The following ZC3H13 variants were observed in gnomAD, a reference collection of about 807,000 sequenced individuals.
ZC3H13 encodes zinc finger CCCH domain-containing protein 13.
A neutral mutation model predicts 204.1 loss-of-function variants in ZC3H13; 64 were observed. That is an observed-to-expected ratio of 0.31 (90% CI 0.26 to 0.39). The LOEUF (loss-of-function observed/expected upper bound fraction) is 0.39. Among genes scored for constraint, ZC3H13 ranks in the 10% least tolerant of loss-of-function variants. The probability of loss-of-function intolerance (pLI) is 1.00; values close to 1 mark genes in which losing one functional copy is unlikely to be tolerated. For synonymous variants in ZC3H13, 667 were observed against 693.7 expected (o/e 0.96, Z 0.60); for missense variants, 1,833 against 2,082.7 (o/e 0.88, Z 2.33).
At chr13:45,985,256 TC>T in intron 10 of ZC3H13, 40 bp downstream of exon 10, 1 of 1,496,234 alleles carries the variant, frequency 6.7e-7, no homozygotes, top group South Asian at 1.3e-5. Context: ...TTTTATACTT[TC>T]TATATAAGAT....
In ZC3H13 at chr13:45,989,055, A is replaced by G. The variant is rs1461297650; in HGVS notation, c.987T>C (p.Ser329=). 6.8e-6 allele frequency: 11 copies of G among 1,614,200 alleles called. No homozygotes were observed. In the South Asian group the frequency reaches 8.8e-5, roughly 13 times the overall value. Residue 329 remains serine, a synonymous_variant, in exon 9 of 19, where the codon TCT becomes TCC. Transcript: ENST00000679008. ...ATTGTGAGGAAGATGAGTGATGTCTAGAAGATATAGGAGAATGATGCTGTC... is the reference window on the plus strand; with the variant it reads ...ATTGTGAGGAAGATGAGTGATGTCTGGAAGATATAGGAGAATGATGCTGTC... The part of the protein sequence containing the change: ...PAGQHHSPIS[S]RHHSSSSQSG...
rs1555277662 is a variant in ZC3H13 at position 45,983,401 on chromosome 13, TTA to T, written c.1720+1894_1720+1895del. On this transcript the variant is annotated intron_variant, in intron 10 of 18. Transcript: ENST00000679008. ...TGAAACAAAGCAAAGCCCCTTCTAC[TTA>T]TATATATATATTTTTTTTTTTTTTT... Among the ~76,000 whole-genome samples the T allele has an allele frequency of 4.5e-4, 16 of 35,490 alleles. 2 individuals are homozygous for T. Among genetic ancestry groups the T allele is most frequent in the African/African-American group, 1.6e-3 (9 of 5,602 alleles). The allele number at this position is 35,490 out of a possible 152,430, so 23.3% of individuals were successfully genotyped here. A position where few individuals can be genotyped will look rare whatever the true frequency, so the allele number is the denominator to read the frequency against.
At chr13:45,961,759 A>G (rs1316397359) in intron 17 of ZC3H13, among the ~76,000 whole-genome samples, 3 of 152,194 alleles carry the variant, frequency 2.0e-5, no homozygotes, top group African/African-American at 7.2e-5. Context: ...TACAGAGGAT[A>G]AATGCTTGAG....
chr13:46,008,620 T>C (rs1205062510), intron 7 of ZC3H13, among the ~76,000 whole-genome samples: 1 of 152,166 alleles, frequency 6.6e-6, no homozygotes, highest in Admixed American at 6.5e-5. Flanking sequence ...AAGTTTCAAA[T>C]ATTCTATAAA....
At chr13:45,981,186 T>G (rs9534266) in intron 10 of ZC3H13, among the ~76,000 whole-genome samples, 1 of 152,248 alleles carries the variant, frequency 6.6e-6, no homozygotes, top group Non-Finnish European at 1.5e-5. Context: ...ACAGAAACTC[T>G]GAGGGCCCTG....
intron 4 of ZC3H13, among the ~76,000 whole-genome samples, chr13:46,038,393 G>C (rs1018612478): frequency 1.3e-5 from 2 of 152,154 alleles, no homozygotes; most frequent in African/African-American, 4.8e-5. Flanking sequence ...TGTGCATTTT[G>C]CTCGTATCTT....
chr13:46,030,297 T>C (rs1252615322), intron 4 of ZC3H13, among the ~76,000 whole-genome samples: 1 of 152,194 alleles, frequency 6.6e-6, no homozygotes, highest in African/African-American at 2.4e-5. Flanking sequence ...AAATGAGAAG[T>C]TTTCCTGCTA....
In ZC3H13 at chr13:45,969,548, T is replaced by C. The variant is rs773928323; in HGVS notation, c.2996A>G (p.Lys999Arg). Residue 999 changes from lysine (K) to arginine (R), a missense_variant, in exon 14 of 19, where the codon AAA becomes AGA. By Grantham distance (26) the Lys-to-Arg change is conservative. Around this residue, in one of 5 missense-constraint regions of ZC3H13, gnomAD observed 1,574 missense variants for 1,757.2 expected, o/e 0.90. Transcript: ENST00000679008. The part of the protein sequence containing the change: ...GQVFSPKKGQ[K>R]KKSIEKKRKK... ...ACGTTTTTTTTCAATGCTTTTCTTT[T>C]TCTGTCCTTTTTTTGGTGAAAATAC... The C allele has an allele frequency of 2.0e-5, 32 of 1,608,100 alleles. No individual in the cohort carries two copies. Among genetic ancestry groups the C allele is most frequent in the African/African-American group, 2.7e-5 (2 of 74,210 alleles).
rs756996004 is a variant in ZC3H13, at chr13:45,985,563, T to C, written c.1454A>G (p.Tyr485Cys). The C allele has an allele frequency of 4.3e-6, 7 of 1,614,068 alleles. No individual in the cohort carries two copies. The East Asian group carries it at 6.7e-5, about 15-fold the overall frequency. ...DMRDSREMRD[Y>C]SRDTKESRDP... ...ACGGCTCTCTTTGGTATCTCTGCTA[T>C]AATCTCTCATCTCCCTTGAGTCCCG... is the stretch of plus-strand genomic sequence containing the variant. The change falls in exon 10 of 19, where the codon TAT becomes TGT. Residue 485 changes from tyrosine to cysteine, a missense_variant. This residue lies in a region of ZC3H13 where 1,574 missense variants were observed against 1,757.2 expected (regional missense o/e 0.90). Coordinates refer to ENST00000679008, the MANE Select transcript of ZC3H13 (RefSeq NM_001330564.2).
chr13:46,049,365 A>G (rs1455911939), intron 1 of ZC3H13, among the ~76,000 whole-genome samples: 5 of 152,176 alleles, frequency 3.3e-5, no homozygotes, highest in African/African-American at 1.2e-4. Flanking sequence ...GTGTGTGTAA[A>G]ACGTCTGGTG....
At position 45,997,552 on chromosome 13, in the gene ZC3H13, A is replaced by ACGT. The variant is rs2040430194; in HGVS notation, c.944+5584_944+5586dup. The stretch of plus-strand genomic sequence containing the variant: ...TCGGGTTAGAAGCACCTGATACAGA[A>ACGT]CGTTGGACAACTGAGACACAATTAT... On this transcript the variant is annotated intron_variant, in intron 8 of 18. Transcript: ENST00000679008. 2.0e-5 allele frequency among the ~76,000 whole-genome samples: 3 copies of ACGT among 152,334 alleles called. 1 individual carries two copies. Among genetic ancestry groups the ACGT allele is most frequent in the South Asian group, 4.2e-4 (2 of 4,818 alleles).
intron 1 of ZC3H13, among the ~76,000 whole-genome samples, chr13:46,046,953 T>C (rs1201501954): frequency 6.6e-6 from 1 of 152,164 alleles, no homozygotes; most frequent in Non-Finnish European, 1.5e-5. Context: ...AACTAAATAT[T>C]AGTTGAAATC....
chr13:46,028,674 T>C (rs2042691280), intron 4 of ZC3H13, among the ~76,000 whole-genome samples: 1 of 152,142 alleles, frequency 6.6e-6, no homozygotes, highest in Non-Finnish European at 1.5e-5. Context: ...CCCAAATGCT[T>C]AGAAATTAAA....
intron 5 of ZC3H13, among the ~76,000 whole-genome samples, chr13:46,013,623 A>C (rs926923014): frequency 6.6e-6 from 1 of 152,270 alleles, no homozygotes; most frequent in Admixed American, 6.5e-5. Context: ...AAAAGAAAAA[A>C]CAGGAAGTAC....
Position 46,010,378 on chromosome 13 carries a change from G to A in ZC3H13, c.716C>T (p.Ala239Val). The change falls in exon 7 of 19, where the codon GCA (alanine) becomes GTA (valine). Residue 239 changes from alanine (A) to valine (V), a missense_variant. Transcript: ENST00000679008. ...SASKKDRKTSAVSSPLLDQQR... is the reference protein window; with the variant it reads ...SASKKDRKTSVVSSPLLDQQR... ...CTGGTCCAACAGGGGAGAAGATACTGCAGATGTCTTCCTATCTTTCTTGCT... is the reference window on the plus strand; with the variant it reads ...CTGGTCCAACAGGGGAGAAGATACTACAGATGTCTTCCTATCTTTCTTGCT... 2 of 1,613,680 alleles carry A rather than the reference G, an allele frequency of 1.2e-6. No individual in the cohort carries two copies. Among genetic ancestry groups the A allele is most frequent in the Non-Finnish European group, 1.7e-6 (2 of 1,179,658 alleles).
chr13:45,964,054 T>A lies in ZC3H13; in HGVS notation c.4475-12A>T. ...CACATCTAAGGGATCTGTAAAAAGT[T>A]AAAAAGTAAGATTTGTTTTACACCA... On this transcript the variant is annotated splice_polypyrimidine_tract_variant and intron_variant, in intron 16 of 18. Coordinates refer to ENST00000679008, the MANE Select transcript of ZC3H13 (RefSeq NM_001330564.2). The A allele has an allele frequency of 1.9e-6, 3 of 1,602,426 alleles. No homozygotes were observed. The highest frequency in any genetic ancestry group is 2.6e-6 in the Non-Finnish European group (3 of 1,175,806).
chr13:46,013,252 A>G (rs944227935), intron 5 of ZC3H13, among the ~76,000 whole-genome samples: 1 of 152,114 alleles, frequency 6.6e-6, no homozygotes, highest in Admixed American at 6.5e-5. Context: ...CGTCTCTACT[A>G]AAAATACAAA....
intron 8 of ZC3H13, among the ~76,000 whole-genome samples, chr13:45,993,302 T>G (rs1188211395): frequency 6.6e-6 from 1 of 152,246 alleles, no homozygotes; most frequent in African/African-American, 2.4e-5. Context: ...TGTCTTTTTC[T>G]AGCCCTTGAT....
intron 10 of ZC3H13, among the ~76,000 whole-genome samples, chr13:45,984,834 C>A (rs1954029534): frequency 1.1e-4 from 16 of 152,094 alleles, no homozygotes; most frequent in Admixed American, 1.0e-3. Context: ...AAAAATGGCT[C>A]AAGATAATGA....
Sources: gnomAD v4.1 joint callset for allele counts (sites outside exome capture counted in the v4.1 genomes callset) on GRCh38, gnomAD v4.1.1 for gene constraint, gnomAD v4.1.1 regional missense constraint, MANE v1.5 for transcripts, NCBI Gene and HGNC (gene_info 2026-07-23, HGNC 2026-07-21) for gene names.